Variants in DAPK2 observed in about 807,000 individuals in gnomAD.
DAPK2 encodes the protein death-associated protein kinase 2.
A neutral mutation model predicts 44.1 loss-of-function variants in DAPK2; 35 were observed. The ratio of observed to expected loss-of-function variants is 0.79; its 90% CI spans 0.61 to 1.05. The LOEUF (loss-of-function observed/expected upper bound fraction) is 1.05, where lower values mean the gene tolerates loss of function less well. Among genes scored for constraint, DAPK2 ranks in the 50% least tolerant of loss-of-function variants. The probability of loss-of-function intolerance (pLI) is 0.00; values close to 1 mark genes in which losing one functional copy is unlikely to be tolerated. For missense variants in DAPK2, 453 were observed against 483.2 expected (o/e 0.94, Z 0.59); for synonymous variants, 174 against 182.6 (o/e 0.95, Z 0.38).
chr15:63,920,961 C>CT (rs2079056555), intron 8 of DAPK2: 1 of 152,348 alleles, frequency 6.6e-6, no homozygotes, highest in Non-Finnish European at 1.5e-5. Context: ...AGTGTCACTG[C>CT]TTCAGGACGC....
upstream of DAPK2, among the ~76,000 whole-genome samples, chr15:64,041,649 A>C (rs2080355685): frequency 6.6e-6 from 1 of 152,222 alleles, no homozygotes; most frequent in Non-Finnish European, 1.5e-5. Context: ...ATCAGATCCC[A>C]ACCACACATG....
chr15:64,008,033 G>C (rs890258642), intron 1 of DAPK2, among the ~76,000 whole-genome samples: 7 of 152,204 alleles, frequency 4.6e-5, no homozygotes, highest in African/African-American at 1.7e-4. Flanking sequence ...GAGAAGCAGA[G>C]AGTGACTGCT....
At chr15:64,031,889 T>G (rs1265647954) in intron 1 of DAPK2, among the ~76,000 whole-genome samples, 1 of 152,248 alleles carries the variant, frequency 6.6e-6, no homozygotes, top group African/African-American at 2.4e-5. Context: ...AAGTAATTTT[T>G]GTGTTTTGTT....
chr15:64,038,668 G>C (rs558095028), intron 1 of DAPK2, among the ~76,000 whole-genome samples: 4 of 150,354 alleles, frequency 2.7e-5, no homozygotes, highest in African/African-American at 9.8e-5. Context: ...TTGAAGCTCT[G>C]TTTCATCTTT....
intron 3 of DAPK2, among the ~76,000 whole-genome samples, chr15:63,965,851 G>A (rs1384173033): frequency 6.6e-6 from 1 of 152,216 alleles, no homozygotes; most frequent in Admixed American, 6.5e-5. Context: ...CTTCAGGGCA[G>A]TGGGCTCCCC....
chr15:63,936,880 T>G (rs2077170755), intron 4 of DAPK2, among the ~76,000 whole-genome samples: 1 of 149,466 alleles, frequency 6.7e-6, no homozygotes, highest in South Asian at 2.1e-4. Flanking sequence ...CTCAGGAGGC[T>G]GAGGTGGGAG....
At position 64,021,872 on chromosome 15, in the gene DAPK2, T is replaced by C. The variant is rs1427545230; in HGVS notation, c.92+18298A>G. Among the ~76,000 whole-genome samples, 3 of 152,198 alleles carry C rather than the reference T, an allele frequency of 2.0e-5. No individual in the cohort carries two copies. In the East Asian group the frequency reaches 5.8e-4, roughly 29 times the overall value. On this transcript the variant is annotated intron_variant, in intron 1 of 10. Coordinates refer to ENST00000261891, the Ensembl canonical transcript of DAPK2. ...GAAAAGAACATCTTATAAAAAGGCT[T>C]GGACTAAGCAGCTAGAGAGGAGAAA... is the stretch of plus-strand genomic sequence containing the variant.
chr15:63,958,031 T>C (rs555685536), intron 3 of DAPK2, among the ~76,000 whole-genome samples: 13 of 152,332 alleles, frequency 8.5e-5, no homozygotes, highest in African/African-American at 3.1e-4. Context: ...GTTTCCTTAC[T>C]TTTTAATGAT....
intron 1 of DAPK2, among the ~76,000 whole-genome samples, chr15:64,010,553 C>G (rs2079363768): frequency 6.6e-6 from 1 of 152,158 alleles, no homozygotes; most frequent in Non-Finnish European, 1.5e-5. Flanking sequence ...CCAGTTATTT[C>G]TCATCACTCC....
intron 6 of DAPK2, among the ~76,000 whole-genome samples, chr15:63,927,686 C>A (rs2079340286): frequency 6.6e-6 from 1 of 152,028 alleles, no homozygotes; most frequent in South Asian, 2.1e-4. Context: ...CTCAACAAAG[C>A]TGTTAAATTC....
chr15:64,033,735 C>T (rs1164986492), intron 1 of DAPK2, among the ~76,000 whole-genome samples: 2 of 151,900 alleles, frequency 1.3e-5, no homozygotes, highest in Non-Finnish European at 2.9e-5. Context: ...GGTGAAACCC[C>T]GTCTCTACTA....
At chr15:64,034,446 T>C (rs1374518246) in intron 1 of DAPK2, among the ~76,000 whole-genome samples, 1 of 152,176 alleles carries the variant, frequency 6.6e-6, no homozygotes, top group African/African-American at 2.4e-5. Flanking sequence ...CCCGCCGAAG[T>C]CTCTCATCCC....
intron 1 of DAPK2, among the ~76,000 whole-genome samples, chr15:64,018,331 C>G (rs1200678245): frequency 1.3e-5 from 2 of 152,160 alleles, no homozygotes; most frequent in African/African-American, 4.8e-5. Context: ...CCCAAGGAAG[C>G]AACTGCTGCC....
At chr15:64,032,880 G>A (rs946060009) in intron 1 of DAPK2, among the ~76,000 whole-genome samples, 9 of 152,084 alleles carry the variant, frequency 5.9e-5, no homozygotes, top group Non-Finnish European at 8.8e-5. Flanking sequence ...GAGGTCAGGA[G>A]TTCAAGACCA....
intron 2 of DAPK2, among the ~76,000 whole-genome samples, chr15:63,977,578 T>C (rs916552416): frequency 7.1e-6 from 1 of 140,142 alleles, no homozygotes; most frequent in Non-Finnish European, 1.5e-5. Flanking sequence ...GGAATCTCTA[T>C]GAGATTCTTG....
At chr15:63,994,447 AAG>A (rs2078896728) in intron 1 of DAPK2, among the ~76,000 whole-genome samples, 2 of 116,652 alleles carry the variant, frequency 1.7e-5, no homozygotes, top group South Asian at 5.6e-4. Context: ...GGAAGGAAGG[AAG>A]GAAGGAAGGA....
intron 1 of DAPK2, among the ~76,000 whole-genome samples, chr15:64,006,005 C>T (rs2079216726): frequency 6.6e-6 from 1 of 150,710 alleles, no homozygotes; most frequent in African/African-American, 2.5e-5. Flanking sequence ...TTATTGCAAT[C>T]CAGCCTGGGT....
At chr15:64,029,284 T>C (rs1184575947) in intron 1 of DAPK2, among the ~76,000 whole-genome samples, 1 of 152,140 alleles carries the variant, frequency 6.6e-6, no homozygotes. Context: ...TGTGCTTTGT[T>C]TTCCTAACAA....
At chr15:63,983,878 C>G (rs2078600114) in intron 1 of DAPK2, 124 bp from the exon 3 acceptor site, 1 of 930,202 alleles carries the variant, frequency 1.1e-6, no homozygotes, top group Non-Finnish European at 1.6e-6. Context: ...AATCATGCCA[C>G]CAGTCTGCAT....
Sources: gnomAD v4.1 joint callset for allele counts (sites outside exome capture counted in the v4.1 genomes callset) on GRCh38, gnomAD v4.1.1 for gene constraint, MANE v1.5 for transcripts, NCBI Gene and HGNC (gene_info 2026-07-23, HGNC 2026-07-21) for gene names.